SLC25A38: variants seen among roughly 807,000 people sequenced by gnomAD.
The protein encoded by SLC25A38 is mitochondrial glycine transporter.
Under a neutral mutation model 33.4 loss-of-function variants are expected in SLC25A38, and 27 were observed. That is an observed-to-expected ratio of 0.81 (90% confidence interval 0.60 to 1.11). SLC25A38 has a LOEUF of 1.11. Ranked by LOEUF, SLC25A38 falls within the 50% of genes most tolerant of loss-of-function variation. SLC25A38 has a pLI of 0.00. For missense variants in SLC25A38, 344 were observed against 388.8 expected, an observed-to-expected ratio of 0.88 and a Z score of 0.97; for synonymous variants, 123 against 145.9, an observed-to-expected ratio of 0.84 and a Z score of 1.13.
chr3:39,387,298 G>A (rs904984212), intron 1 of SLC25A38, among the ~76,000 whole-genome samples: 1 of 152,156 alleles, frequency 6.6e-6, no homozygotes, highest in African/African-American at 2.4e-5. Flanking sequence ...AAAATACCTA[G>A]CTCATAAGAT....
intron 3 of SLC25A38, among the ~76,000 whole-genome samples, chr3:39,391,044 A>G (rs1016086546): frequency 2.0e-5 from 3 of 152,190 alleles, no homozygotes; most frequent in Admixed American, 2.0e-4. Flanking sequence ...ATTTTTAGCA[A>G]GGAGACCACA....
chr3:39,394,410 A>G lies in SLC25A38; in HGVS notation c.626A>G (p.Asp209Gly). 8.1e-6 allele frequency: 13 copies of G among 1,612,564 alleles called. No homozygotes were observed. Among genetic ancestry groups the G allele is most frequent in the Non-Finnish European group, 1.1e-5 (13 of 1,179,974 alleles). Residue 209 changes from aspartate (D) to glycine (G), a missense_variant and splice_region_variant, in exon 6 of 7, where the codon GAC becomes GGC. Physicochemically the swap from Asp to Gly is moderately conservative, Grantham distance 94. This residue lies in a region of SLC25A38 where 269 missense variants were observed against 271.8 expected (regional missense o/e 0.99). Coordinates refer to ENST00000650617, the MANE Select transcript of SLC25A38 (RefSeq NM_017875.4). ...ACATGTTACCTTTGTTCTATTTCAG[A>G]CCAGGTGGATGCAACCCTTATTCCT... ...YNQTKNIVPHDQVDATLIPIT... is the reference protein window; with the variant it reads ...YNQTKNIVPHGQVDATLIPIT...
rs2041733750 is a variant in SLC25A38 at position 39,389,124 on chromosome 3, C to G, written c.70-371C>G. ...GAAGGGAGTCTGCACATCATCAGTTCAAAGTGAAAGCACTGCATTCAATTG... is the reference window on the plus strand; with the variant it reads ...GAAGGGAGTCTGCACATCATCAGTTGAAAGTGAAAGCACTGCATTCAATTG... On this transcript the variant is annotated intron_variant, in intron 1 of 6. Coordinates refer to ENST00000650617, the MANE Select transcript of SLC25A38 (RefSeq NM_017875.4). The surrounding 1 kb of genome is among the most constrained non-coding windows in gnomAD (Gnocchi z 4.5). Among the ~76,000 whole-genome samples, 1 of 152,178 alleles carries G rather than the reference C, an allele frequency of 6.6e-6. No homozygotes were observed. The highest frequency in any genetic ancestry group is 2.4e-5 in the African/African-American group (1 of 41,444).
rs1274956711 is a variant in SLC25A38 at position 39,396,478 on chromosome 3, G to GGT, written c.876_877dup (p.Tyr293CysfsTer5). On this transcript the variant is annotated frameshift_variant, in exon 7 of 7. Transcript: ENST00000650617. LOFTEE classifies it high-confidence loss of function. ...CTCTAATGGCAGCAATGGCGTGGAC[G>GGT]GTGTATGAAGAGATGATGGCCAAGA... 1.2e-6 allele frequency: 2 copies of GGT among 1,613,956 alleles called. No individual in the cohort carries two copies. Among genetic ancestry groups the GGT allele is most frequent in the African/African-American group, 2.7e-5 (2 of 74,870 alleles).
rs753702625 is a variant in SLC25A38, at chr3:39,383,809, G to A, written c.69+16G>A. On this transcript the variant is annotated intron_variant, in intron 1 of 6. Transcript: ENST00000650617. ...AACGCTTATGGTGAGGGCACTGCGG[G>A]GAAGGAAGGGCAGGGGTCCGAACCG... is the stretch of plus-strand genomic sequence containing the variant. The A allele has an allele frequency of 5.1e-5, 83 of 1,613,890 alleles. No homozygotes were observed. Among genetic ancestry groups the A allele is most frequent in the Non-Finnish European group, 6.8e-5 (80 of 1,179,908 alleles).
intron 1 of SLC25A38, among the ~76,000 whole-genome samples, chr3:39,388,188 G>C (rs1414511953): frequency 1.3e-5 from 2 of 152,184 alleles, no homozygotes; most frequent in African/African-American, 4.8e-5. Flanking sequence ...CAGAAGAGCA[G>C]GACACCTCTT....
At position 39,396,670 on chromosome 3, in the gene SLC25A38, G is replaced by A. The variant is rs2041834262; in HGVS notation, c.*150G>A. 7.9e-7 allele frequency: 1 copy of A among 1,259,266 alleles called. No individual in the cohort carries two copies. The highest frequency in any genetic ancestry group is 1.1e-6 in the Non-Finnish European group (1 of 882,504). The allele number at this position is 1,259,266 out of a possible 1,614,324, so 78.0% of individuals were successfully genotyped here. ...CCTTTGCCTTCAGTAATCCCCTTAA[G>A]GAGAAAATATATGGACCTGATTTCA... On this transcript the variant is annotated 3_prime_UTR_variant, in exon 7 of 7. Transcript: ENST00000650617.
At chr3:39,387,574 T>C (rs78212683) in intron 1 of SLC25A38, among the ~76,000 whole-genome samples, 1,920 of 152,232 alleles carry the variant, frequency 0.013, 42 homozygotes, top group African/African-American at 0.044. Context: ...GAGGCAAGTG[T>C]GTGGAGAACT....
chr3:39,392,802 G>A (rs976753756), intron 5 of SLC25A38, among the ~76,000 whole-genome samples: 3 of 152,206 alleles, frequency 2.0e-5, no homozygotes, highest in African/African-American at 7.2e-5. Context: ...GCTACAGCTG[G>A]AGTGCCTTGG....
chr3:39,385,557 T>A (rs1178896858), intron 1 of SLC25A38, among the ~76,000 whole-genome samples: 1 of 150,690 alleles, frequency 6.6e-6, no homozygotes, highest in East Asian at 2.0e-4. Flanking sequence ...TGGAGAGAGG[T>A]GGGGGAGATT....
chr3:39,394,625 T>TAAACACC, intron 6 of SLC25A38, 49 bp downstream of exon 6: 1 of 1,607,036 alleles, frequency 6.2e-7, no homozygotes, highest in Middle Eastern at 1.7e-4. Context: ...AAGGATCTCT[T>TAAACACC]TCTAGAGCAG....
At chr3:39,385,667 C>G (rs985489312) in intron 1 of SLC25A38, among the ~76,000 whole-genome samples, 1 of 152,172 alleles carries the variant, frequency 6.6e-6, no homozygotes, top group Non-Finnish European at 1.5e-5. Context: ...TGGTAAGATT[C>G]ATTCCGCTGT....
Position 39,394,435 on chromosome 3 carries a change from T to C in SLC25A38, c.651T>C (p.Pro217=). 6.2e-7 allele frequency: 1 copy of C among 1,613,396 alleles called. No individual in the cohort carries two copies. The highest frequency in any genetic ancestry group is 8.5e-7 in the Non-Finnish European group (1 of 1,180,018). ...PHDQVDATLI[P]ITNFSCGIFA... ...ACCAGGTGGATGCAACCCTTATTCC[T>C]ATTACAAATTTCAGCTGTGGGATAT... Residue 217 remains proline, a synonymous_variant, in exon 6 of 7, where the codon CCT becomes CCC. Transcript: ENST00000650617.
chr3:39,393,951 T>C (rs2041802739), intron 5 of SLC25A38, among the ~76,000 whole-genome samples: 2 of 152,240 alleles, frequency 1.3e-5, no homozygotes, highest in African/African-American at 2.4e-5. Flanking sequence ...GAGGACCACA[T>C]AAGTGATGTT....
chr3:39,391,776 A>G, intron 4 of SLC25A38, 77 bp from the exon 5 acceptor site: 2 of 1,608,008 alleles, frequency 1.2e-6, no homozygotes, highest in South Asian at 1.1e-5. Context: ...GTAATGCCCC[A>G]TAACCTGCAG....
In SLC25A38 at chr3:39,390,520, C is replaced by A. The variant is rs928399170; in HGVS notation, c.276+13C>A. The A allele has an allele frequency of 3.0e-5, 48 of 1,613,720 alleles. No homozygotes were observed. Among genetic ancestry groups the A allele is most frequent in the Non-Finnish European group, 3.5e-5 (41 of 1,179,768 alleles). ...AGGGATGTCCCCTGTAAGCTGCCATCTGGGTCTAGGTTCCCTAGCATCCAC... is the reference window on the plus strand; with the variant it reads ...AGGGATGTCCCCTGTAAGCTGCCATATGGGTCTAGGTTCCCTAGCATCCAC... On this transcript the variant is annotated intron_variant, in intron 3 of 6. Coordinates refer to ENST00000650617, the MANE Select transcript of SLC25A38 (RefSeq NM_017875.4).
At position 39,389,694 on chromosome 3, in the gene SLC25A38, C is replaced by A; in HGVS notation, c.191+78C>A. ...GAACATCTTTACTGTGTTAAGTCAACTTCCATTCTGTTGGATGTTCAGAGA... is the reference window on the plus strand; with the variant it reads ...GAACATCTTTACTGTGTTAAGTCAAATTCCATTCTGTTGGATGTTCAGAGA... On this transcript the variant is annotated intron_variant, in intron 2 of 6. Transcript: ENST00000650617. The surrounding 1 kb of genome is among the most constrained non-coding windows in gnomAD (Gnocchi z 4.5). 1.2e-6 allele frequency: 2 copies of A among 1,609,914 alleles called. No individual in the cohort carries two copies. Among genetic ancestry groups the A allele is most frequent in the Non-Finnish European group, 1.7e-6 (2 of 1,176,846 alleles).
Position 39,393,361 on chromosome 3 carries a change from C to A in SLC25A38, c.626-1049C>A, listed in dbSNP as rs1310910930. Among the ~76,000 whole-genome samples the A allele has an allele frequency of 2.6e-5, 4 of 152,196 alleles. No individual in the cohort carries two copies. In the East Asian group the frequency reaches 5.8e-4, roughly 22 times the overall value. On this transcript the variant is annotated intron_variant, in intron 5 of 6. Coordinates refer to ENST00000650617, the MANE Select transcript of SLC25A38 (RefSeq NM_017875.4). ...AAAGCCACAAGAATAGTACAATGTA[C>A]ATATTTTTTTCCTGCCCTTTGAGGG... is the stretch of plus-strand genomic sequence containing the variant.
chr3:39,386,381 G>T (rs952370271), intron 1 of SLC25A38, among the ~76,000 whole-genome samples: 1 of 152,160 alleles, frequency 6.6e-6, no homozygotes, highest in Non-Finnish European at 1.5e-5. Flanking sequence ...AGGAGTTTGA[G>T]ACCAGCCTGT....
Sources: allele counts gnomAD v4.1 joint callset (sites outside exome capture counted in the v4.1 genomes callset), GRCh38; gene constraint gnomAD v4.1.1; regional missense constraint gnomAD v4.1.1; non-coding constraint Gnocchi (gnomAD v3.1); transcripts MANE v1.5; gene names NCBI Gene and HGNC (gene_info 2026-07-23, HGNC 2026-07-21).